ST8SIA6: variants seen among roughly 807,000 people sequenced by gnomAD.
ST8SIA6 encodes the protein alpha-2,8-sialyltransferase 8F.
A neutral mutation model predicts 33.6 loss-of-function variants in ST8SIA6; 39 were observed. That is an observed-to-expected ratio of 1.16 (90% confidence interval 0.90 to 1.52). ST8SIA6 has a LOEUF of 1.52. ST8SIA6 is among the 40% of genes most tolerant of loss of function. ST8SIA6 has a pLI of 0.00. For missense variants in ST8SIA6, 441 were observed against 443.8 expected (o/e 0.99, Z 0.06); for synonymous variants, 172 against 167.2 (o/e 1.03, Z -0.22).
At position 17,402,673 on chromosome 10, in the gene ST8SIA6, A is replaced by G. The variant is rs1359831809; in HGVS notation, c.201-12053T>C. Among the ~76,000 whole-genome samples, 3 of 152,244 alleles carry G rather than the reference A, an allele frequency of 2.0e-5. 1 individual carries two copies. The South Asian group carries it at 6.2e-4, about 32-fold the overall frequency. On this transcript the variant is annotated intron_variant, in intron 2 of 7. Coordinates refer to ENST00000377602, the MANE Select transcript of ST8SIA6 (RefSeq NM_001004470.3). ...ATCATTCTCAGCAAACTATCGCAAG[A>G]ACAAAAAACCAAACACCGCATGTTC... is the stretch of plus-strand genomic sequence containing the variant.
chr10:17,413,741 A>T (rs1013837996), intron 2 of ST8SIA6, among the ~76,000 whole-genome samples: 2 of 152,040 alleles, frequency 1.3e-5, no homozygotes, highest in Non-Finnish European at 2.9e-5. Context: ...ACATATTATG[A>T]TTTTGTTCAT....
At chr10:17,374,429 C>T (rs759413891) in intron 3 of ST8SIA6, among the ~76,000 whole-genome samples, 18 of 147,830 alleles carry the variant, frequency 1.2e-4, no homozygotes, top group Middle Eastern at 3.4e-3. Context: ...ATATTATTAC[C>T]TCTGCAGGGT....
At chr10:17,325,864 G>C (rs1848114564) in intron 6 of ST8SIA6, among the ~76,000 whole-genome samples, 1 of 152,020 alleles carries the variant, frequency 6.6e-6, no homozygotes, top group Non-Finnish European at 1.5e-5. Context: ...TTTCTTCTGG[G>C]TTTTAAATCA....
chr10:17,355,004 C>T (rs1353481052), intron 4 of ST8SIA6, among the ~76,000 whole-genome samples: 4 of 152,126 alleles, frequency 2.6e-5, no homozygotes, highest in Non-Finnish European at 4.4e-5. Flanking sequence ...CAATTAAGTG[C>T]TGAATGAGTA....
chr10:17,444,254 A>G (rs1372268192), intron 2 of ST8SIA6, among the ~76,000 whole-genome samples: 1 of 152,182 alleles, frequency 6.6e-6, no homozygotes, highest in African/African-American at 2.4e-5. Context: ...GGAAGTCTTG[A>G]TTTTTGTTGC....
At chr10:17,445,145 G>A (rs993799778) in intron 2 of ST8SIA6, among the ~76,000 whole-genome samples, 2 of 152,110 alleles carry the variant, frequency 1.3e-5, no homozygotes, top group African/African-American at 4.8e-5. Context: ...TCAAGCTCTA[G>A]TTCACACTCA....
chr10:17,392,868 G>T (rs1850666127), intron 2 of ST8SIA6, among the ~76,000 whole-genome samples: 1 of 152,210 alleles, frequency 6.6e-6, no homozygotes, highest in South Asian at 2.1e-4. Flanking sequence ...GTGGTTTAGG[G>T]CTTGTGATGG....
chr10:17,321,385 A>C, intron 7 of ST8SIA6, 39 bp from the exon 8 acceptor site: 1 of 1,504,442 alleles, frequency 6.6e-7, no homozygotes, highest in Non-Finnish European at 9.0e-7. Flanking sequence ...TCCCAAGAAT[A>C]ATAATCAAAG....
At chr10:17,341,913 A>AAAC (rs1210257796) in intron 4 of ST8SIA6, among the ~76,000 whole-genome samples, 5 of 150,710 alleles carry the variant, frequency 3.3e-5, no homozygotes, top group South Asian at 2.1e-4. Context: ...AAAAAAAAAA[A>AAAC]AAAAAAAACA....
At chr10:17,358,876 A>C (rs1427801557) in intron 4 of ST8SIA6, among the ~76,000 whole-genome samples, 1 of 152,196 alleles carries the variant, frequency 6.6e-6, no homozygotes, top group Admixed American at 6.5e-5. Context: ...ACCTTGATCT[A>C]TGATATGTGG....
intron 3 of ST8SIA6, among the ~76,000 whole-genome samples, chr10:17,367,514 T>G (rs17140876): frequency 0.14 from 21,804 of 152,148 alleles, 1,770 homozygotes; most frequent in South Asian, 0.2. Flanking sequence ...TCACTTCTTC[T>G]TCACAAATAT....
At chr10:17,343,236 G>A (rs12246963) in intron 4 of ST8SIA6, among the ~76,000 whole-genome samples, 4 of 152,148 alleles carry the variant, frequency 2.6e-5, no homozygotes, top group South Asian at 2.1e-4. Flanking sequence ...GGTGAACAAC[G>A]GTTGTTAACT....
At chr10:17,402,617 CT>C (rs1459615467) in intron 2 of ST8SIA6, among the ~76,000 whole-genome samples, 1 of 152,176 alleles carries the variant, frequency 6.6e-6, no homozygotes, top group Non-Finnish European at 1.5e-5. Context: ...AGTTCATGTC[CT>C]TTGTAGGGAC....
At chr10:17,378,854 C>T (rs1026492964) in intron 3 of ST8SIA6, among the ~76,000 whole-genome samples, 6 of 152,114 alleles carry the variant, frequency 3.9e-5, no homozygotes, top group African/African-American at 7.2e-5. Context: ...CAGCCAGGCA[C>T]GGTGGCTCAC....
At chr10:17,424,046 C>T (rs964280909) in intron 2 of ST8SIA6, among the ~76,000 whole-genome samples, 2 of 152,130 alleles carry the variant, frequency 1.3e-5, no homozygotes, top group Admixed American at 1.3e-4. Flanking sequence ...TTCTCTCCAT[C>T]ACCCCACCTG....
At chr10:17,387,610 G>C (rs1454087898) in intron 3 of ST8SIA6, among the ~76,000 whole-genome samples, 3 of 152,110 alleles carry the variant, frequency 2.0e-5, no homozygotes, top group South Asian at 2.1e-4. Flanking sequence ...TGTGAGAAAC[G>C]GAGCTAACAT....
At position 17,368,121 on chromosome 10, in the gene ST8SIA6, C is replaced by T. The variant is rs909491388; in HGVS notation, c.291-8521G>A. 4.6e-5 allele frequency among the ~76,000 whole-genome samples: 7 copies of T among 151,572 alleles called. No individual in the cohort carries two copies. In the South Asian group the frequency reaches 6.2e-4, roughly 13 times the overall value. On this transcript the variant is annotated intron_variant, in intron 3 of 7. Transcript: ENST00000377602. Reference sequence around the variant, plus strand: ...ACAAAAATCTATGTTCTCCGCCAGGCGCAGTGGCTCACGCCTATAATCCCA... The same window carrying T: ...ACAAAAATCTATGTTCTCCGCCAGGTGCAGTGGCTCACGCCTATAATCCCA...
intron 4 of ST8SIA6, among the ~76,000 whole-genome samples, chr10:17,357,138 T>A (rs895658435): frequency 1.3e-5 from 2 of 151,340 alleles, no homozygotes; most frequent in African/African-American, 2.4e-5. Flanking sequence ...AGTTCTTTTT[T>A]TTTTTTCTTT....
intron 2 of ST8SIA6, among the ~76,000 whole-genome samples, chr10:17,451,364 T>C (rs1048076144): frequency 6.6e-6 from 1 of 152,138 alleles, no homozygotes; most frequent in African/African-American, 2.4e-5. Context: ...AGCTAAATAA[T>C]GTGTACATAT....
Sources: gnomAD v4.1 joint callset for allele counts (sites outside exome capture counted in the v4.1 genomes callset) on GRCh38, gnomAD v4.1.1 for gene constraint, MANE v1.5 for transcripts, NCBI Gene and HGNC (gene_info 2026-07-23, HGNC 2026-07-21) for gene names.